Variants in PRSS23 observed in about 807,000 individuals in gnomAD.
PRSS23 encodes the protein protease, serine 23.
Under a neutral mutation model 34.7 loss-of-function variants are expected in PRSS23, and 25 were observed. The observed-to-expected ratio is 0.72, with a 90% CI of 0.53 to 1.01. The LOEUF is 1.01. Among genes scored for constraint, PRSS23 ranks in the 50% least tolerant of loss-of-function variants. The pLI is 0.00. For synonymous variants in PRSS23, 176 were observed against 186.6 expected (o/e 0.94, Z 0.46); for missense variants, 445 against 475.6 (o/e 0.94, Z 0.60).
intron 2 of PRSS23, among the ~76,000 whole-genome samples, chr11:86,914,744 T>G (rs142778454): frequency 6.6e-6 from 1 of 152,350 alleles, no homozygotes; most frequent in African/African-American, 2.4e-5. Context: ...AATTCTGATT[T>G]GAATGTGTTA....
At chr11:86,902,905 C>G (rs764977513) in intron 2 of PRSS23, among the ~76,000 whole-genome samples, 39 of 152,136 alleles carry the variant, frequency 2.6e-4, no homozygotes, top group Admixed American at 1.9e-3. Context: ...AATTCTGAGT[C>G]TACCACTAAG....
At chr11:86,829,707 G>C (rs1346601000) in intron 2 of PRSS23, among the ~76,000 whole-genome samples, 1 of 152,216 alleles carries the variant, frequency 6.6e-6, no homozygotes, top group African/African-American at 2.4e-5. Context: ...CCTTCTAAGA[G>C]ACAGGACCCT....
intron 2 of PRSS23, chr11:86,933,852 G>A (rs1949142710): frequency 6.6e-6 from 1 of 152,088 alleles, no homozygotes; most frequent in Admixed American, 6.5e-5. Context: ...TTTCAGTGTT[G>A]TATCCATGAT....
chr11:86,950,868 C>T, intron 2 of PRSS23: 1 of 510,204 alleles, frequency 2.0e-6, no homozygotes, highest in Non-Finnish European at 3.5e-6. Flanking sequence ...ACGCTCCAAG[C>T]TGCAACCTGC....
chr11:86,952,089 T>C (rs1347007103), exon 3 of PRSS23: 2 of 1,614,066 alleles, frequency 1.2e-6, no homozygotes, highest in Non-Finnish European at 1.7e-6. Flanking sequence ...CACACAGCCA[T>C]CCAGATATCA....
chr11:86,941,885 G>A (rs1200207424), intron 2 of PRSS23, among the ~76,000 whole-genome samples: 2 of 152,090 alleles, frequency 1.3e-5, no homozygotes, highest in Non-Finnish European at 2.9e-5. Flanking sequence ...AAGCCCTTCA[G>A]TTTCTCCATC....
In PRSS23 at chr11:86,845,215, C is replaced by A. The variant is rs73526353; in HGVS notation, c.206+21622C>A. ...TACTTTTGCTATCTCCTGTGTGCCA[C>A]GCAAAATATAGACTCTGGAGAATCA... On this transcript the variant is annotated intron_variant, in intron 2 of 2. Transcript: ENST00000533902. 2.3e-3 allele frequency among the ~76,000 whole-genome samples: 343 copies of A among 152,114 alleles called. 3 individuals are homozygous for A. Among genetic ancestry groups the A allele is most frequent in the African/African-American group, 7.8e-3 (325 of 41,474 alleles).
intron 2 of PRSS23, among the ~76,000 whole-genome samples, chr11:86,917,288 C>T (rs976089595): frequency 1.3e-5 from 2 of 152,216 alleles, no homozygotes; most frequent in South Asian, 2.1e-4. Flanking sequence ...CATTGCACTC[C>T]AGCCTGGGCG....
intron 2 of PRSS23, among the ~76,000 whole-genome samples, chr11:86,938,353 G>C (rs1447032279): frequency 6.6e-6 from 1 of 152,228 alleles, no homozygotes; most frequent in Non-Finnish European, 1.5e-5. Context: ...GCTCCCAGAA[G>C]AGGAAACGTG....
chr11:86,795,505 G>A (rs1947975329), intron 1 of PRSS23, among the ~76,000 whole-genome samples: 1 of 152,338 alleles, frequency 6.6e-6, no homozygotes, highest in East Asian at 1.9e-4. Context: ...GGCACCGTGG[G>A]TGCCCCAAAA....
chr11:86,943,618 C>A (rs544441013), intron 2 of PRSS23, among the ~76,000 whole-genome samples: 182 of 110,998 alleles, frequency 1.6e-3, no homozygotes, highest in African/African-American at 5.2e-3. Flanking sequence ...AGCAAGACTC[C>A]ATCTCAAAAA....
chr11:86,948,539 A>G (rs1949263322), intron 2 of PRSS23: 1 of 152,196 alleles, frequency 6.6e-6, no homozygotes, highest in Non-Finnish European at 1.5e-5. Context: ...ATAACCCTGT[A>G]GCATTGCTAA....
At position 86,809,221 on chromosome 11, in the gene PRSS23, GGT is replaced by G. The variant is rs1443625996; in HGVS notation, c.*428_*429del. The G allele has an allele frequency of 1.9e-3, 326 of 168,008 alleles. 2 individuals carry two copies. Among genetic ancestry groups the G allele is most frequent in the Non-Finnish European group, 2.9e-4 (20 of 69,308 alleles). The allele number at this position is 168,008 out of a possible 1,614,324, so 10.4% of individuals were successfully genotyped here. A position where few individuals can be genotyped will look rare whatever the true frequency, so the allele number is the denominator to read the frequency against. ...TGTGTTTTCTTCTGAGATTCATCTT[GGT>G]GGTGGGTTTTTTTGTTTTTTTAATT... On this transcript the variant is annotated 3_prime_UTR_variant, in exon 2 of 2. Coordinates refer to ENST00000280258, the MANE Select transcript of PRSS23 (RefSeq NM_007173.6).
chr11:86,828,119 G>A (rs1948318935), intron 2 of PRSS23, among the ~76,000 whole-genome samples: 1 of 152,182 alleles, frequency 6.6e-6, no homozygotes, highest in African/African-American at 2.4e-5. Context: ...TTATTATTGT[G>A]TGGGAGTCTA....
At chr11:86,859,859 T>C (rs1472801736) in intron 2 of PRSS23, among the ~76,000 whole-genome samples, 2 of 151,974 alleles carry the variant, frequency 1.3e-5, no homozygotes, top group Non-Finnish European at 2.9e-5. Flanking sequence ...AGTGTGATAT[T>C]GTTTCTAATA....
chr11:86,950,860 G>C, intron 2 of PRSS23: 1 of 489,020 alleles, frequency 2.0e-6, no homozygotes, highest in East Asian at 3.9e-5. Flanking sequence ...GGACCTCCAC[G>C]CTCCAAGCTG....
chr11:86,860,257 A>C (rs1050335994), intron 2 of PRSS23, among the ~76,000 whole-genome samples: 13 of 151,156 alleles, frequency 8.6e-5, no homozygotes, highest in Non-Finnish European at 1.9e-4. Flanking sequence ...GTGAGGGAGA[A>C]AATAATATTA....
At chr11:86,797,310 G>C (rs76598144), upstream of PRSS23, among the ~76,000 whole-genome samples, 95 of 152,324 alleles carry the variant, frequency 6.2e-4, 1 homozygote, top group East Asian at 0.017. Flanking sequence ...GACATCTGCT[G>C]TTTACATTGG....
At chr11:86,829,686 T>G (rs1449794188) in intron 2 of PRSS23, among the ~76,000 whole-genome samples, 1 of 152,202 alleles carries the variant, frequency 6.6e-6, no homozygotes, top group African/African-American at 2.4e-5. Context: ...TCCTTTCTGT[T>G]TGTTAGTTTT....
Sources: gnomAD v4.1 joint callset for allele counts (sites outside exome capture counted in the v4.1 genomes callset) on GRCh38, gnomAD v4.1.1 for gene constraint, MANE v1.5 for transcripts, NCBI Gene and HGNC (gene_info 2026-07-23, HGNC 2026-07-21) for gene names.